SDK1: variants seen among roughly 807,000 people sequenced by gnomAD.
SDK1 encodes protein sidekick-1.
SDK1 carries 157 observed loss-of-function variants against 245.5 expected under a neutral mutation model. That is an observed-to-expected ratio of 0.64 (90% CI 0.56 to 0.73). SDK1 has a LOEUF of 0.73. SDK1 is among the 30% of genes least tolerant of loss of function. The pLI, the probability that SDK1 is intolerant of heterozygous loss-of-function variation, is 0.00. For synonymous variants in SDK1, 1,647 were observed against 1,278.5 expected, an observed-to-expected ratio of 1.29 and a Z score of -6.15; for missense variants, 3,583 against 3,002.3, an observed-to-expected ratio of 1.19 and a Z score of -4.52.
intron 1 of SDK1, among the ~76,000 whole-genome samples, chr7:3,520,635 G>C (rs924381020): frequency 9.2e-5 from 14 of 151,574 alleles, no homozygotes; most frequent in African/African-American, 3.4e-4. Context: ...ATTCAGTTTG[G>C]CTATGGTAAT....
Position 3,455,313 on chromosome 7 carries a change from A to G in SDK1, c.298+153429A>G, listed in dbSNP as rs535367960. On this transcript the variant is annotated intron_variant, in intron 1 of 44. Coordinates refer to ENST00000404826, the MANE Select transcript of SDK1 (RefSeq NM_152744.4). ...GATAGATCTAATCAATTTTTTCTATATGGATTTGCTTTTAGAGTCAATTCT... is the reference window on the plus strand; with the variant it reads ...GATAGATCTAATCAATTTTTTCTATGTGGATTTGCTTTTAGAGTCAATTCT... 9.7e-4 allele frequency among the ~76,000 whole-genome samples: 147 copies of G among 151,194 alleles called. 1 individual carries two copies. Among genetic ancestry groups the G allele is most frequent in the African/African-American group, 3.5e-3 (143 of 41,266 alleles).
At chr7:3,836,919 T>C (rs1780040460) in intron 5 of SDK1, among the ~76,000 whole-genome samples, 1 of 152,128 alleles carries the variant, frequency 6.6e-6, no homozygotes, top group Non-Finnish European at 1.5e-5. Flanking sequence ...TCCTGGCTCT[T>C]AGAGAGCCAC....
intron 4 of SDK1, among the ~76,000 whole-genome samples, chr7:3,790,170 T>A (rs1781035006): frequency 6.6e-6 from 1 of 152,134 alleles, no homozygotes; most frequent in Non-Finnish European, 1.5e-5. Context: ...CCGTCCTTCC[T>A]CAGACACCAG....
At chr7:3,357,327 T>C (rs1358261788) in intron 1 of SDK1, among the ~76,000 whole-genome samples, 1 of 71,966 alleles carries the variant, frequency 1.4e-5, no homozygotes, top group Non-Finnish European at 2.7e-5. Context: ...CTTCTTTTAG[T>C]GTTTTTTTTT....
At chr7:3,512,102 T>C (rs1782600090) in intron 1 of SDK1, among the ~76,000 whole-genome samples, 1 of 152,062 alleles carries the variant, frequency 6.6e-6, no homozygotes, top group East Asian at 1.9e-4. Context: ...CTTAAAATCC[T>C]CTGACCTCTG....
At chr7:3,652,194 C>CTTT (rs1311446518) in intron 4 of SDK1, among the ~76,000 whole-genome samples, 1 of 152,162 alleles carries the variant, frequency 6.6e-6, no homozygotes, top group East Asian at 1.9e-4. Flanking sequence ...GCAGAGAAAC[C>CTTT]GCGCGTGTCT....
chr7:4,135,065 C>T (rs1020731480), intron 28 of SDK1, among the ~76,000 whole-genome samples: 1 of 152,204 alleles, frequency 6.6e-6, no homozygotes, highest in Non-Finnish European at 1.5e-5. Context: ...CTCCTCAGCA[C>T]GCCCGCCGGA....
rs1279073092 is a variant in SDK1 at position 3,624,970 on chromosome 7, C to T, written c.458+5731C>T. Among the ~76,000 whole-genome samples the T allele has an allele frequency of 2.0e-5, 3 of 151,968 alleles. No homozygotes were observed. The East Asian group carries it at 5.8e-4, about 29-fold the overall frequency. On this transcript the variant is annotated intron_variant, in intron 2 of 44. Transcript: ENST00000404826. ...AGGAGAATCCCTTGAACCCGGGAGGCGGAGGTTGCAGTAAGCCAAGATCAT... is the reference window on the plus strand; with the variant it reads ...AGGAGAATCCCTTGAACCCGGGAGGTGGAGGTTGCAGTAAGCCAAGATCAT...
chr7:3,620,301 T>C (rs1385856122), intron 2 of SDK1, among the ~76,000 whole-genome samples: 1 of 18,300 alleles, frequency 5.5e-5, no homozygotes, highest in Non-Finnish European at 1.1e-4. Flanking sequence ...GCTTACAGCA[T>C]TTTTTTTTTT....
At chr7:3,982,019 G>A (rs57473264) in intron 13 of SDK1, among the ~76,000 whole-genome samples, 82 of 152,316 alleles carry the variant, frequency 5.4e-4, no homozygotes, top group African/African-American at 1.9e-3. Flanking sequence ...AGAAATCAAT[G>A]TCTGGTTTCA....
intron 30 of SDK1, among the ~76,000 whole-genome samples, chr7:4,155,022 A>T (rs1780634437): frequency 1.3e-5 from 2 of 151,850 alleles, no homozygotes; most frequent in Non-Finnish European, 2.9e-5. Flanking sequence ...CCACAGGAGC[A>T]GCGCTGCAGG....
intron 1 of SDK1, among the ~76,000 whole-genome samples, chr7:3,476,572 G>A (rs1254110158): frequency 2.6e-5 from 4 of 152,114 alleles, no homozygotes; most frequent in African/African-American, 9.7e-5. Context: ...TTTTGTTTCA[G>A]AATACATATG....
At position 4,026,807 on chromosome 7, in the gene SDK1, C is replaced by T. The variant is rs564547115; in HGVS notation, c.2602+9455C>T. Reference sequence around the variant, plus strand: ...GTGGCCCATAACAATCTGGAATTAACGATAACACCCGGCACACAAACGGCA... The same window carrying T: ...GTGGCCCATAACAATCTGGAATTAATGATAACACCCGGCACACAAACGGCA... On this transcript the variant is annotated intron_variant, in intron 17 of 44. Transcript: ENST00000404826. The surrounding 1 kb of genome is among the most constrained non-coding windows in gnomAD (Gnocchi z 4.1). Among the ~76,000 whole-genome samples, 32 of 152,282 alleles carry T rather than the reference C, an allele frequency of 2.1e-4. No homozygotes were observed. The South Asian group carries it at 5.6e-3, about 27-fold the overall frequency.
At chr7:3,665,925 C>G (rs1376382847) in intron 4 of SDK1, among the ~76,000 whole-genome samples, 1 of 152,044 alleles carries the variant, frequency 6.6e-6, no homozygotes. Flanking sequence ...CAGGGAAACT[C>G]AGAACACCTT....
Position 3,969,715 on chromosome 7 carries a change from T to C in SDK1, c.1714+291T>C, listed in dbSNP as rs150936162. ...CACAAAACTAGCTCAAATCACAAAA[T>C]TGATAGGTTGGTTAATTTTATAAGC... On this transcript the variant is annotated intron_variant, in intron 11 of 44. Coordinates refer to ENST00000404826, the MANE Select transcript of SDK1 (RefSeq NM_152744.4). 4.4e-3 allele frequency among the ~76,000 whole-genome samples: 676 copies of C among 152,302 alleles called. 5 individuals carry two copies. Among genetic ancestry groups the C allele is most frequent in the African/African-American group, 0.016 (645 of 41,568 alleles).
chr7:3,740,866 A>G (rs1242444169), intron 4 of SDK1, among the ~76,000 whole-genome samples: 1 of 152,098 alleles, frequency 6.6e-6, no homozygotes, highest in African/African-American at 2.4e-5. Flanking sequence ...TGATTTTCAG[A>G]GACTTTTATT....
chr7:4,259,320 TC>T (rs1190835720), intron 44 of SDK1, among the ~76,000 whole-genome samples: 1 of 152,072 alleles, frequency 6.6e-6, no homozygotes, highest in Non-Finnish European at 1.5e-5. Flanking sequence ...GCACCTGTAA[TC>T]CCAGATAGGA....
At chr7:4,022,808 C>G (rs1787017529) in intron 17 of SDK1, among the ~76,000 whole-genome samples, 1 of 145,342 alleles carries the variant, frequency 6.9e-6, no homozygotes, top group East Asian at 2.0e-4. Context: ...GAGTCTTGCT[C>G]TGTCTCCCAG....
intron 14 of SDK1, among the ~76,000 whole-genome samples, chr7:4,009,299 GCCCTGCCTTCTA>G (rs1163818530): frequency 1.3e-5 from 2 of 152,224 alleles, no homozygotes; most frequent in African/African-American, 4.8e-5. Flanking sequence ...GCACGAAGGG[GCCCTGCCTTCTA>G]CCAACCGAGT....
Sources: allele counts gnomAD v4.1 joint callset (sites outside exome capture counted in the v4.1 genomes callset), GRCh38; gene constraint gnomAD v4.1.1; non-coding constraint Gnocchi (gnomAD v3.1); transcripts MANE v1.5; gene names NCBI Gene and HGNC (gene_info 2026-07-23, HGNC 2026-07-21).